The following ARMH4 variants were observed in gnomAD, a reference collection of about 807,000 sequenced individuals.
ARMH4 encodes armadillo like helical domain containing 4, also known as armadillo-like helical domain-containing protein 4.
ARMH4 carries 49 observed loss-of-function variants against 61.9 expected under a neutral mutation model. That is an observed-to-expected ratio of 0.79 (90% CI 0.63 to 1.00). The LOEUF (loss-of-function observed/expected upper bound fraction) is 1.00. ARMH4 is among the 50% of genes least tolerant of loss of function. The pLI, the probability that ARMH4 is intolerant of heterozygous loss-of-function variation, is 0.00. For missense variants in ARMH4, 934 were observed against 930.0 expected (o/e 1.00, Z -0.06); for synonymous variants, 368 against 341.5 (o/e 1.08, Z -0.85).
intron 6 of ARMH4, among the ~76,000 whole-genome samples, chr14:58,005,999 G>C (rs562623876): frequency 1.3e-5 from 2 of 152,278 alleles, no homozygotes; most frequent in South Asian, 4.2e-4. Flanking sequence ...AAAAGATCCT[G>C]GAAGTGTCAA....
At chr14:58,009,063 C>T (rs957830871) in intron 6 of ARMH4, among the ~76,000 whole-genome samples, 1 of 152,184 alleles carries the variant, frequency 6.6e-6, no homozygotes, top group African/African-American at 2.4e-5. Flanking sequence ...GGAATTAATA[C>T]AGGAAGTGTC....
At chr14:58,008,898 A>T (rs1193017115) in intron 6 of ARMH4, among the ~76,000 whole-genome samples, 2 of 152,242 alleles carry the variant, frequency 1.3e-5, no homozygotes, top group Non-Finnish European at 2.9e-5. Flanking sequence ...TGATATAACA[A>T]CAGGTCTGGT....
intron 5 of ARMH4, among the ~76,000 whole-genome samples, chr14:58,088,333 T>G (rs1230824504): frequency 2.0e-5 from 3 of 152,110 alleles, no homozygotes; most frequent in African/African-American, 7.2e-5. Context: ...TTATCAGGCT[T>G]AAAAGGCATC....
At chr14:58,058,410 C>T (rs1305407964) in intron 5 of ARMH4, among the ~76,000 whole-genome samples, 2 of 151,772 alleles carry the variant, frequency 1.3e-5, no homozygotes, top group Non-Finnish European at 2.9e-5. Context: ...CAGAGCAGGC[C>T]CAAGGGTTGC....
chr14:58,117,605 G>T (rs1278421963), intron 4 of ARMH4, among the ~76,000 whole-genome samples: 1 of 152,068 alleles, frequency 6.6e-6, no homozygotes, highest in Non-Finnish European at 1.5e-5. Flanking sequence ...ATCAAGCATT[G>T]TGCCTCACAC....
At chr14:58,102,037 G>C (rs1291517765) in intron 4 of ARMH4, among the ~76,000 whole-genome samples, 2 of 152,158 alleles carry the variant, frequency 1.3e-5, no homozygotes, top group Non-Finnish European at 2.9e-5. Context: ...GTGGAAGAGT[G>C]GCATGAGCAC....
intron 5 of ARMH4, among the ~76,000 whole-genome samples, chr14:58,026,473 A>T (rs1883024894): frequency 6.6e-6 from 1 of 152,120 alleles, no homozygotes; most frequent in South Asian, 2.1e-4. Context: ...TTCTCATGAG[A>T]TCTCTTCTCA....
chr14:58,017,397 C>T (rs1010925908), intron 5 of ARMH4, among the ~76,000 whole-genome samples: 6 of 152,014 alleles, frequency 3.9e-5, no homozygotes, highest in African/African-American at 1.2e-4. Context: ...ACTAAAAACT[C>T]CACCAAAAAA....
At chr14:58,069,312 A>G (rs1193571096) in intron 5 of ARMH4, among the ~76,000 whole-genome samples, 1 of 152,228 alleles carries the variant, frequency 6.6e-6, no homozygotes. Context: ...AATGTGCTAT[A>G]TGCTATGATA....
intron 1 of ARMH4, among the ~76,000 whole-genome samples, chr14:58,148,549 T>C (rs1887821847): frequency 2.0e-5 from 3 of 152,212 alleles, no homozygotes; most frequent in Non-Finnish European, 4.4e-5. Flanking sequence ...GTCTTTACCA[T>C]TCCTTTGTTT....
At chr14:58,149,858 A>G (rs1196403352) in intron 1 of ARMH4, among the ~76,000 whole-genome samples, 1 of 152,272 alleles carries the variant, frequency 6.6e-6, no homozygotes, top group Non-Finnish European at 1.5e-5. Context: ...ATCATGCAAT[A>G]GAAGACATAC....
intron 1 of ARMH4, among the ~76,000 whole-genome samples, chr14:58,148,049 TTTTG>T (rs901374380): frequency 6.6e-6 from 1 of 152,040 alleles, no homozygotes; most frequent in Non-Finnish European, 1.5e-5. Context: ...TAAGTTGGTT[TTTTG>T]TTTGTTTTAT....
At chr14:58,074,012 A>G (rs1295082528) in intron 5 of ARMH4, among the ~76,000 whole-genome samples, 1 of 152,242 alleles carries the variant, frequency 6.6e-6, no homozygotes, top group Non-Finnish European at 1.5e-5. Flanking sequence ...TTGAGGTTTT[A>G]TTATATTTGC....
chr14:58,071,135 T>A (rs78041326), intron 5 of ARMH4, among the ~76,000 whole-genome samples: 4 of 149,662 alleles, frequency 2.7e-5, no homozygotes, highest in African/African-American at 4.9e-5. Flanking sequence ...TCAAGTAAAA[T>A]ATATATATAT....
intron 5 of ARMH4, among the ~76,000 whole-genome samples, chr14:58,083,336 T>A (rs1885286151): frequency 6.6e-6 from 1 of 152,200 alleles, no homozygotes; most frequent in South Asian, 2.1e-4. Context: ...TCCCAGCACT[T>A]TGGGAGGCTA....
At chr14:58,114,988 C>A (rs1462929398) in intron 4 of ARMH4, among the ~76,000 whole-genome samples, 2 of 152,082 alleles carry the variant, frequency 1.3e-5, no homozygotes, top group Non-Finnish European at 2.9e-5. Flanking sequence ...CTATAAAAAT[C>A]CTAGAAGAAA....
At chr14:58,118,680 C>T (rs1886617592) in intron 4 of ARMH4, among the ~76,000 whole-genome samples, 1 of 152,118 alleles carries the variant, frequency 6.6e-6, no homozygotes, top group African/African-American at 2.4e-5. Flanking sequence ...GCCCATAATC[C>T]CTAGAAACTC....
Position 58,138,239 on chromosome 14 carries a change from T to C in ARMH4, c.1120A>G (p.Thr374Ala). 6.2e-7 allele frequency: 1 copy of C among 1,614,212 alleles called. No homozygotes were observed. Among genetic ancestry groups the C allele is most frequent in the Non-Finnish European group, 8.5e-7 (1 of 1,180,042 alleles). ...QVALGLPEGE[T>A]HTGTALLIAH... ...ATTAGCAGGGCTGTGCCCGTGTGTG[T>C]TTCCCCTTCAGGCAGCCCCAGAGCC... The change falls in exon 2 of 8, where the codon ACA (threonine) becomes GCA (alanine). Residue 374 changes from threonine (T) to alanine (A), a missense_variant. By Grantham distance (58) the Thr-to-Ala change is moderately conservative (BLOSUM62 0). Transcript: ENST00000267485.
intron 5 of ARMH4, among the ~76,000 whole-genome samples, chr14:58,056,018 G>A (rs935475513): frequency 5.9e-5 from 9 of 152,314 alleles, no homozygotes; most frequent in East Asian, 1.9e-4. Context: ...AGCTCTATTC[G>A]TAGAGGTGAG....
Sources: allele counts gnomAD v4.1 joint callset (sites outside exome capture counted in the v4.1 genomes callset), GRCh38; gene constraint gnomAD v4.1.1; transcripts MANE v1.5; gene names NCBI Gene and HGNC (gene_info 2026-07-23, HGNC 2026-07-21).